The following ASXL3 variants were observed in gnomAD, a reference collection of about 807,000 sequenced individuals.
The protein encoded by ASXL3 is putative Polycomb group protein ASXL3.
In ASXL3, 34 loss-of-function variants were observed where a neutral mutation model predicts 170.6. That is an observed-to-expected ratio of 0.20 (90% CI 0.15 to 0.27). The LOEUF (loss-of-function observed/expected upper bound fraction) is 0.27. Ranked by LOEUF, ASXL3 falls within the 10% of genes least tolerant of loss-of-function variation. ASXL3 has a pLI of 1.00. For missense variants in ASXL3, 2,592 were observed against 2,695.3 expected, an observed-to-expected ratio of 0.96 and a Z score of 0.85; for synonymous variants, 1,002 against 989.1, an observed-to-expected ratio of 1.01 and a Z score of -0.24.
At chr18:33,617,219 C>T (rs760268449) in intron 2 of ASXL3, among the ~76,000 whole-genome samples, 7 of 152,068 alleles carry the variant, frequency 4.6e-5, no homozygotes, top group Non-Finnish European at 8.8e-5. Flanking sequence ...TGACTGGGTG[C>T]AGTGGCTCAC....
chr18:33,718,569 C>T (rs553490208), intron 8 of ASXL3, among the ~76,000 whole-genome samples: 2 of 152,232 alleles, frequency 1.3e-5, no homozygotes, highest in South Asian at 2.1e-4. Flanking sequence ...CATCTCTATT[C>T]TTAACTGCAG....
intron 5 of ASXL3, among the ~76,000 whole-genome samples, chr18:33,662,268 T>C (rs2066186248): frequency 6.6e-6 from 1 of 152,186 alleles, no homozygotes; most frequent in Admixed American, 6.5e-5. Flanking sequence ...TACGGGCCTT[T>C]GTGGCCTTGC....
At chr18:33,639,271 A>G (rs7230668) in intron 2 of ASXL3, among the ~76,000 whole-genome samples, 93,542 of 151,952 alleles carry the variant, frequency 0.62, 29,637 homozygotes, top group East Asian at 0.89. Flanking sequence ...TTTTAGAGTC[A>G]AGGGACCTGT....
intron 2 of ASXL3, among the ~76,000 whole-genome samples, chr18:33,624,254 T>A (rs1470936793): frequency 2.6e-5 from 4 of 152,128 alleles, no homozygotes; most frequent in African/African-American, 9.7e-5. Context: ...AATTATCCTT[T>A]ATTAACTGAG....
intron 5 of ASXL3, among the ~76,000 whole-genome samples, chr18:33,663,479 A>G (rs1187061706): frequency 2.6e-5 from 4 of 152,258 alleles, no homozygotes; most frequent in Non-Finnish European, 5.9e-5. Context: ...AAACATTACA[A>G]AATTTTAAGT....
At chr18:33,699,408 A>T (rs1025205863) in intron 8 of ASXL3, among the ~76,000 whole-genome samples, 10 of 152,292 alleles carry the variant, frequency 6.6e-5, no homozygotes, top group African/African-American at 2.4e-4. Context: ...AAATTTCATT[A>T]GAGGGGCACA....
At chr18:33,610,305 C>T (rs940452359) in intron 2 of ASXL3, among the ~76,000 whole-genome samples, 2 of 152,000 alleles carry the variant, frequency 1.3e-5, no homozygotes, top group Non-Finnish European at 2.9e-5. Context: ...AAGAAATGCA[C>T]ATTGGTAATA....
Position 33,743,280 on chromosome 18 carries a change from C to G in ASXL3, c.3432C>G (p.Val1144=), listed in dbSNP as rs778866524. Residue 1144 remains valine, a synonymous_variant, in exon 12 of 12, where the codon GTC becomes GTG. Transcript: ENST00000269197. ...AGGAAGGGCCTCCAAACTTAGAAGT[C>G]TCTTCTACCCCTGAAACAAAAATGG... ...SSKEGPPNLE[V]SSTPETKMEG... The G allele has an allele frequency of 1.9e-6, 3 of 1,613,768 alleles. No individual in the cohort carries two copies. The highest frequency in any genetic ancestry group is 2.2e-5 in the East Asian group (1 of 44,890).
intron 11 of ASXL3, among the ~76,000 whole-genome samples, chr18:33,742,362 G>T (rs558112903): frequency 1.2e-4 from 18 of 152,242 alleles, no homozygotes; most frequent in African/African-American, 4.1e-4. Flanking sequence ...GATTATTGGA[G>T]AAACTGAGGT....
intron 1 of ASXL3, among the ~76,000 whole-genome samples, chr18:33,595,899 G>A (rs1332624273): frequency 6.6e-6 from 1 of 152,094 alleles, no homozygotes; most frequent in South Asian, 2.1e-4. Context: ...AATATGACAG[G>A]GATATGTCAG....
chr18:33,602,740 G>T (rs1421267193), intron 1 of ASXL3, among the ~76,000 whole-genome samples: 1 of 150,784 alleles, frequency 6.6e-6, no homozygotes, highest in Non-Finnish European at 1.5e-5. Flanking sequence ...AGCCAATTCA[G>T]CTTTGTACAT....
chr18:33,626,465 T>C (rs2145162950), intron 2 of ASXL3, among the ~76,000 whole-genome samples: 1 of 151,814 alleles, frequency 6.6e-6, no homozygotes, highest in East Asian at 1.9e-4. Flanking sequence ...TTTTATAATA[T>C]CAAATAGACC....
At chr18:33,582,419 C>CT (rs1296264405) in intron 1 of ASXL3, among the ~76,000 whole-genome samples, 1 of 151,988 alleles carries the variant, frequency 6.6e-6, no homozygotes, top group East Asian at 1.9e-4. Context: ...TAGGTTAATT[C>CT]TTTTTTTGAC....
At chr18:33,731,079 T>C (rs1456128277) in intron 8 of ASXL3, among the ~76,000 whole-genome samples, 1 of 152,194 alleles carries the variant, frequency 6.6e-6, no homozygotes, top group African/African-American at 2.4e-5. Context: ...TTCTTTATGT[T>C]CAATATTCTC....
chr18:33,635,340 G>A (rs1447042257), intron 2 of ASXL3, among the ~76,000 whole-genome samples: 1 of 152,144 alleles, frequency 6.6e-6, no homozygotes, highest in Non-Finnish European at 1.5e-5. Context: ...CATCCATCAG[G>A]TTGATCTTCA....
chr18:33,740,201 C>T lies in ASXL3; in HGVS notation c.2797C>T (p.Arg933Trp), dbSNP rs376307971. ...KTHKQGSTQS[R>W]LETSHTSKSS... ...ACATAAGCAAGGGAGTACACAGAGT[C>T]GGTTAGAAACCTCACATACTTCCAA... Residue 933 changes from arginine (R) to tryptophan (W), a missense_variant, in exon 11 of 12, where the codon CGG becomes TGG. Coordinates refer to ENST00000269197, the MANE Select transcript of ASXL3 (RefSeq NM_030632.3). 31 of 1,613,680 alleles carry T rather than the reference C, an allele frequency of 1.9e-5. No homozygotes were observed. Among genetic ancestry groups the T allele is most frequent in the African/African-American group, 2.7e-5 (2 of 74,906 alleles).
intron 4 of ASXL3, among the ~76,000 whole-genome samples, chr18:33,659,505 G>T (rs1053215507): frequency 2.6e-5 from 4 of 152,002 alleles, no homozygotes; most frequent in Admixed American, 1.3e-4. Context: ...CTGTTCATTT[G>T]GGATCATATA....
rs747600226 is a variant in ASXL3 at position 33,738,895 on chromosome 18, T to A, written c.1491T>A (p.Asp497Glu). The change falls in exon 11 of 12, where the codon GAT (aspartate) becomes GAA (glutamate). Residue 497 changes from aspartate to glutamate, a missense_variant. Physicochemically the swap from Asp to Glu is conservative, Grantham distance 45. This residue lies in a region of ASXL3 where 2,246 missense variants were observed against 2,219.6 expected (regional missense o/e 1.01). Coordinates refer to ENST00000269197, the MANE Select transcript of ASXL3 (RefSeq NM_030632.3). ...AACCCCAAATAGCACCTCCTGAAGATAACTTGGAATCCTGTGTTATGATGA... is the reference window on the plus strand; with the variant it reads ...AACCCCAAATAGCACCTCCTGAAGAAAACTTGGAATCCTGTGTTATGATGA... ...HEEPQIAPPEDNLESCVMMND... is the reference protein window; with the variant it reads ...HEEPQIAPPEENLESCVMMND... 27 of 1,613,652 alleles carry A rather than the reference T, an allele frequency of 1.7e-5. No homozygotes were observed. The South Asian group carries it at 3.0e-4, about 18-fold the overall frequency.
chr18:33,686,933 A>G, intron 8 of ASXL3, among the ~76,000 whole-genome samples: 1 of 152,232 alleles, frequency 6.6e-6, no homozygotes, highest in East Asian at 1.9e-4. Flanking sequence ...CAGCAGAAAG[A>G]TAAGACACAG....
Sources: gnomAD v4.1 joint callset for allele counts (sites outside exome capture counted in the v4.1 genomes callset) on GRCh38, gnomAD v4.1.1 for gene constraint, gnomAD v4.1.1 regional missense constraint, MANE v1.5 for transcripts, NCBI Gene and HGNC (gene_info 2026-07-23, HGNC 2026-07-21) for gene names.